WDFY4: variants seen among roughly 807,000 people sequenced by gnomAD.
WDFY4 encodes WDFY family member 4.
Under a neutral mutation model 351.9 loss-of-function variants are expected in WDFY4, and 169 were observed. The ratio of observed to expected loss-of-function variants is 0.48; its 90% CI spans 0.42 to 0.55. The LOEUF (loss-of-function observed/expected upper bound fraction) is 0.55. Among genes scored for constraint, WDFY4 ranks in the 20% least tolerant of loss-of-function variants. The probability of loss-of-function intolerance (pLI) is 0.00; values close to 1 mark genes in which losing one functional copy is unlikely to be tolerated. For synonymous variants in WDFY4, 1,622 were observed against 1,574.6 expected, an observed-to-expected ratio of 1.03 and a Z score of -0.71; for missense variants, 3,803 against 3,935.6, an observed-to-expected ratio of 0.97 and a Z score of 0.90.
At position 48,727,505 on chromosome 10, in the gene WDFY4, T is replaced by A; in HGVS notation, c.817T>A (p.Ser273Thr). The change falls in exon 7 of 62, where the codon TCC becomes ACC. Residue 273 changes from serine to threonine, a missense_variant. Physicochemically the swap from Ser to Thr is moderately conservative, Grantham distance 58. This residue lies in a region of WDFY4 where 488 missense variants were observed against 456.8 expected (regional missense o/e 1.07). Transcript: ENST00000325239. ...TGTCAGGCTCTCCCTCCAGAACCTC[T>A]CCAGGCTCACGGACACTCTCCCTGC... is the stretch of plus-strand genomic sequence containing the variant. ...DCVRLSLQNLSRLTDTLPAPE... is the reference protein window; with the variant it reads ...DCVRLSLQNLTRLTDTLPAPE... The A allele has an allele frequency of 6.4e-7, 1 of 1,551,654 alleles. No individual in the cohort carries two copies. Among genetic ancestry groups the A allele is most frequent in the Non-Finnish European group, 8.7e-7 (1 of 1,146,970 alleles).
intron 1 of WDFY4, among the ~76,000 whole-genome samples, chr10:48,691,148 C>T (rs928975734): frequency 2.0e-5 from 3 of 152,176 alleles, no homozygotes; most frequent in African/African-American, 7.2e-5. Context: ...ACAGGGGCAA[C>T]ATCAACAGGA....
At chr10:48,738,551 A>ACTG (rs35448984) in intron 11 of WDFY4, among the ~76,000 whole-genome samples, 1 of 152,176 alleles carries the variant, frequency 6.6e-6, no homozygotes, top group Non-Finnish European at 1.5e-5. Context: ...GGGCTGTCAC[A>ACTG]CTGCTGCTCT....
intron 47 of WDFY4, among the ~76,000 whole-genome samples, chr10:48,915,136 C>T (rs114549109): frequency 6.6e-6 from 1 of 152,128 alleles, no homozygotes; most frequent in African/African-American, 2.4e-5. Context: ...AAAACAGACA[C>T]CCTTACAGAG....
intron 12 of WDFY4, among the ~76,000 whole-genome samples, chr10:48,755,976 GT>G (rs1394033240): frequency 6.6e-6 from 1 of 151,942 alleles, no homozygotes; most frequent in African/African-American, 2.4e-5. Flanking sequence ...CAATATCAGG[GT>G]AATTCTGACT....
intron 2 of WDFY4, among the ~76,000 whole-genome samples, chr10:48,712,248 T>C (rs2063785997): frequency 6.6e-6 from 1 of 152,220 alleles, no homozygotes; most frequent in African/African-American, 2.4e-5. Context: ...ATTAATAGCA[T>C]TTCAATGAGA....
At chr10:48,925,755 G>T (rs1359162966) in intron 47 of WDFY4, among the ~76,000 whole-genome samples, 1 of 152,026 alleles carries the variant, frequency 6.6e-6, no homozygotes, top group Non-Finnish European at 1.5e-5. Flanking sequence ...AATCTTACAG[G>T]GACTCCACAG....
chr10:48,800,176 G>A (rs539231586), intron 24 of WDFY4, among the ~76,000 whole-genome samples: 45 of 152,292 alleles, frequency 3.0e-4, no homozygotes, highest in Middle Eastern at 3.4e-3. Flanking sequence ...GAGCCACCGC[G>A]CCCAGCCGGT....
intron 38 of WDFY4, 75 bp downstream of exon 38, chr10:48,830,960 A>C: frequency 4.2e-6 from 6 of 1,440,520 alleles, no homozygotes; most frequent in Non-Finnish European, 5.6e-6. Context: ...GGTTCAACTC[A>C]GTGCCTAGAG....
chr10:48,721,732 A>G (rs2064093857), intron 4 of WDFY4, among the ~76,000 whole-genome samples: 2 of 152,126 alleles, frequency 1.3e-5, no homozygotes, highest in Non-Finnish European at 2.9e-5. Flanking sequence ...TGTGTCCCAG[A>G]CATCGTCAGT....
intron 47 of WDFY4, chr10:48,914,136 C>A (rs7094610): frequency 0.34 from 547,504 of 1,613,084 alleles, 99,512 homozygotes; most frequent in East Asian, 0.74. Context: ...GCCCTTGGGG[C>A]CTTTCTCACC....
intron 47 of WDFY4, among the ~76,000 whole-genome samples, chr10:48,916,256 T>C (rs1027576354): frequency 2.0e-5 from 3 of 152,198 alleles, no homozygotes; most frequent in African/African-American, 7.2e-5. Context: ...TTGCACCAGA[T>C]GAGGACAGAA....
At chr10:48,691,808 G>C (rs909707583) in intron 1 of WDFY4, among the ~76,000 whole-genome samples, 1 of 152,218 alleles carries the variant, frequency 6.6e-6, no homozygotes, top group Non-Finnish European at 1.5e-5. Context: ...GTGGAGGATG[G>C]CCAAAACATG....
intron 39 of WDFY4, among the ~76,000 whole-genome samples, chr10:48,844,037 G>A (rs1012174599): frequency 2.6e-5 from 4 of 152,198 alleles, no homozygotes; most frequent in South Asian, 4.1e-4. Context: ...AACCCGCTAG[G>A]CCCCCCACTC....
At chr10:48,774,852 G>A (rs2065976643) in intron 14 of WDFY4, among the ~76,000 whole-genome samples, 180 bp downstream of exon 14, 1 of 152,218 alleles carries the variant, frequency 6.6e-6, no homozygotes. Context: ...GTGTGCAGGT[G>A]CCCACAAAGC....
chr10:48,787,904 TTCTTCTTCTTCTTCTTCTTCTTCTTC>T lies in WDFY4; in HGVS notation c.3809-624_3809-599del, dbSNP rs2066505409. ...TTTCTTCTTCTTCTCCTTCTTCTTC[TTCTTCTTCTTCTTCTTCTTCTTCTTC>T]TTCTTCTTCTTCTTCTTCTTCTTCT... On this transcript the variant is annotated intron_variant, in intron 20 of 61. Coordinates refer to ENST00000325239, the MANE Select transcript of WDFY4 (RefSeq NM_001394531.1). Among the ~76,000 whole-genome samples the T allele has an allele frequency of 1.0e-4, 3 of 29,436 alleles. 1 individual carries two copies. The highest frequency in any genetic ancestry group is 5.6e-4 in the African/African-American group (3 of 5,312). 19.3% of individuals were successfully genotyped at this position (29,436 alleles called of 152,430 possible). A position where few individuals can be genotyped will look rare whatever the true frequency, so the allele number is the denominator to read the frequency against.
intron 1 of WDFY4, among the ~76,000 whole-genome samples, chr10:48,698,611 T>G (rs2063395377): frequency 6.6e-6 from 1 of 152,108 alleles, no homozygotes; most frequent in South Asian, 2.1e-4. Flanking sequence ...GGGAGACGGA[T>G]TGAAGGTGTG....
At chr10:48,925,935 A>C (rs1439694602) in intron 47 of WDFY4, among the ~76,000 whole-genome samples, 1 of 152,184 alleles carries the variant, frequency 6.6e-6, no homozygotes, top group African/African-American at 2.4e-5. Context: ...AAATATTTTT[A>C]CTATAAGAGA....
At chr10:48,695,519 G>A (rs142228991) in intron 1 of WDFY4, among the ~76,000 whole-genome samples, 53 of 152,250 alleles carry the variant, frequency 3.5e-4, no homozygotes, top group African/African-American at 1.2e-3. Context: ...TCTGAGTCTC[G>A]CTTTACCCAT....
At chr10:48,818,886 G>T (rs531835105) in intron 32 of WDFY4, among the ~76,000 whole-genome samples, 1 of 152,212 alleles carries the variant, frequency 6.6e-6, no homozygotes, top group Non-Finnish European at 1.5e-5. Flanking sequence ...AGCCAGAGGC[G>T]CAGGCAGCCT....
Sources: gnomAD v4.1 joint callset for allele counts (sites outside exome capture counted in the v4.1 genomes callset) on GRCh38, gnomAD v4.1.1 for gene constraint, gnomAD v4.1.1 regional missense constraint, MANE v1.5 for transcripts, NCBI Gene and HGNC (gene_info 2026-07-23, HGNC 2026-07-21) for gene names.